The following DGKI variants were observed in gnomAD, a reference collection of about 807,000 sequenced individuals.
The protein encoded by DGKI is DAG kinase iota.
A neutral mutation model predicts 147.5 loss-of-function variants in DGKI; 55 were observed. The ratio of observed to expected loss-of-function variants is 0.37; its 90% CI spans 0.30 to 0.47. The LOEUF (loss-of-function observed/expected upper bound fraction) is 0.47. Among genes scored for constraint, DGKI ranks in the 20% least tolerant of loss-of-function variants. DGKI has a pLI of 1.00. For synonymous variants in DGKI, 469 were observed against 477.1 expected (o/e 0.98, Z 0.22); for missense variants, 1,007 against 1,323.8 (o/e 0.76, Z 3.71).
At chr7:137,476,723 A>G (rs1815184312) in intron 23 of DGKI, among the ~76,000 whole-genome samples, 1 of 152,112 alleles carries the variant, frequency 6.6e-6, no homozygotes, top group African/African-American at 2.4e-5. Flanking sequence ...AATCCACCCC[A>G]CTATTCTTCC....
At chr7:137,597,742 G>C (rs1819846433) in intron 12 of DGKI, 105 bp downstream of exon 12, 1 of 1,028,482 alleles carries the variant, frequency 9.7e-7, no homozygotes, top group South Asian at 1.4e-5. Flanking sequence ...ATATACATGT[G>C]TTAGGGGATT....
At chr7:137,812,282 G>A (rs1797614348) in intron 1 of DGKI, among the ~76,000 whole-genome samples, 1 of 152,180 alleles carries the variant, frequency 6.6e-6, no homozygotes. Context: ...TGGTTTTTAT[G>A]AGGAATAAAT....
intron 1 of DGKI, among the ~76,000 whole-genome samples, chr7:137,828,593 T>G (rs913405332): frequency 2.0e-5 from 3 of 152,234 alleles, no homozygotes; most frequent in African/African-American, 4.8e-5. Flanking sequence ...TCATGAATTA[T>G]CTCACTCCCT....
intron 1 of DGKI, chr7:137,722,354 G>A (rs185036807): frequency 5.2e-5 from 84 of 1,612,654 alleles, no homozygotes; most frequent in South Asian, 3.4e-4. Flanking sequence ...GATGTGCCTC[G>A]AAAGCTGTTG....
chr7:137,618,153 T>TATATA (rs1563114668), intron 8 of DGKI, among the ~76,000 whole-genome samples: 1 of 9,640 alleles, frequency 1.0e-4, no homozygotes, highest in Non-Finnish European at 3.8e-4. Flanking sequence ...ATATATATAT[T>TATATA]TTTTTTTTTT....
Position 137,574,449 on chromosome 7 carries a change from AAT to A in DGKI, c.1762-1613_1762-1612del, listed in dbSNP as rs908223337. On this transcript the variant is annotated intron_variant, in intron 17 of 32. Coordinates refer to ENST00000614521, the MANE Select transcript of DGKI (RefSeq NM_001321708.2). ...CTTAAAACCTAGGATGTGATATATT[AAT>A]AGTGTATAAAGCATTATGGTTGCAT... 2.6e-4 allele frequency among the ~76,000 whole-genome samples: 39 copies of A among 152,214 alleles called. 1 individual carries two copies. The highest frequency in any genetic ancestry group is 3.4e-4 in the Non-Finnish European group (23 of 68,038).
At chr7:137,747,351 C>G (rs1418979746) in intron 1 of DGKI, among the ~76,000 whole-genome samples, 5 of 152,136 alleles carry the variant, frequency 3.3e-5, no homozygotes, top group African/African-American at 9.7e-5. Flanking sequence ...GTCAAGGCAG[C>G]AAGAGCTAGT....
chr7:137,817,580 C>T (rs547761806), intron 1 of DGKI, among the ~76,000 whole-genome samples: 2 of 152,182 alleles, frequency 1.3e-5, no homozygotes, highest in Non-Finnish European at 2.9e-5. Flanking sequence ...CTCACCTTCC[C>T]CCAATACAGT....
At position 137,654,005 on chromosome 7, in the gene DGKI, C is replaced by T. The variant is rs571252259; in HGVS notation, c.738+727G>A. Among the ~76,000 whole-genome samples, 19 of 152,290 alleles carry T rather than the reference C, an allele frequency of 1.2e-4. No individual in the cohort carries two copies. In the South Asian group the frequency reaches 3.7e-3, roughly 30 times the overall value. On this transcript the variant is annotated intron_variant, in intron 5 of 32. Coordinates refer to ENST00000614521, the MANE Select transcript of DGKI (RefSeq NM_001321708.2). The stretch of plus-strand genomic sequence containing the variant: ...TAACACAGGAGGGTTCTTGCCTGAA[C>T]TGTGCTTGCTGTCTCTGCTAAATAA...
At chr7:137,615,629 C>T (rs1820506669) in intron 8 of DGKI, among the ~76,000 whole-genome samples, 1 of 151,210 alleles carries the variant, frequency 6.6e-6, no homozygotes, top group African/African-American at 2.4e-5. Flanking sequence ...TCCAAATTTT[C>T]CGTTAGTCAC....
At chr7:137,825,220 A>G (rs1798020381) in intron 1 of DGKI, among the ~76,000 whole-genome samples, 1 of 152,224 alleles carries the variant, frequency 6.6e-6, no homozygotes, top group South Asian at 2.1e-4. Flanking sequence ...ATATTTAACA[A>G]CGAAACCCAA....
chr7:137,481,996 T>C (rs1815388081), intron 23 of DGKI, among the ~76,000 whole-genome samples: 1 of 152,090 alleles, frequency 6.6e-6, no homozygotes, highest in Non-Finnish European at 1.5e-5. Context: ...CTTTTTCACC[T>C]ATAACACTCC....
intron 28 of DGKI, among the ~76,000 whole-genome samples, chr7:137,423,343 G>A (rs1360638294): frequency 6.6e-6 from 1 of 152,120 alleles, no homozygotes; most frequent in African/African-American, 2.4e-5. Context: ...CTGTGATCAG[G>A]GTCCCTGAAC....
chr7:137,648,949 T>C (rs570017443), intron 5 of DGKI, among the ~76,000 whole-genome samples: 2 of 152,324 alleles, frequency 1.3e-5, no homozygotes, highest in Non-Finnish European at 2.9e-5. Flanking sequence ...AACTAAGGCA[T>C]GGATTGATAA....
rs200540015 is a variant in DGKI at position 137,420,264 on chromosome 7, CCTG to C, written c.2762-8060_2762-8058del. Reference sequence around the variant, plus strand: ...GCCTTGGAAATCCCAAGGTATCATTCCTGCTGAAGTCCACGTTTGCGCATATAC... The same window carrying C: ...GCCTTGGAAATCCCAAGGTATCATTCCTGAAGTCCACGTTTGCGCATATAC... On this transcript the variant is annotated intron_variant, in intron 28 of 32. Coordinates refer to ENST00000614521, the MANE Select transcript of DGKI (RefSeq NM_001321708.2). Among the ~76,000 whole-genome samples the C allele has an allele frequency of 7.2e-3, 1,093 of 152,314 alleles. 9 individuals are homozygous for C. Among genetic ancestry groups the C allele is most frequent in the Middle Eastern group, 0.065 (19 of 294 alleles).
chr7:137,383,184 T>C lies in DGKI; in HGVS notation c.*8036A>G, dbSNP rs1205155466. On this transcript the variant is annotated 3_prime_UTR_variant, in exon 33 of 33. Coordinates refer to ENST00000614521, the MANE Select transcript of DGKI (RefSeq NM_001321708.2). ...TGACCTTTTTGCTTTAGTAGAAACA[T>C]ATCTTTTTTAGGAGATTTGGGAATT... 1.3e-5 allele frequency: 2 copies of C among 151,818 alleles called. No individual in the cohort carries two copies. Among genetic ancestry groups the C allele is most frequent in the Non-Finnish European group, 2.9e-5 (2 of 67,876 alleles). 9.4% of individuals were successfully genotyped at this position (151,818 alleles called of 1,614,324 possible). A position where few individuals can be genotyped will look rare whatever the true frequency, so the allele number is the denominator to read the frequency against.
intron 6 of DGKI, among the ~76,000 whole-genome samples, chr7:137,637,493 T>A (rs1283499582): frequency 6.6e-6 from 1 of 152,206 alleles, no homozygotes; most frequent in Non-Finnish European, 1.5e-5. Context: ...TAAAGAAGAA[T>A]TACACCTGTT....
chr7:137,429,680 C>T (rs1486242446), intron 28 of DGKI, among the ~76,000 whole-genome samples: 4 of 150,518 alleles, frequency 2.7e-5, no homozygotes, highest in Non-Finnish European at 5.9e-5. Context: ...TATCCAGAAT[C>T]TACAATGAAC....
Position 137,770,785 on chromosome 7 carries a change from G to A in DGKI, c.401+75677C>T, listed in dbSNP as rs1347859969. Among the ~76,000 whole-genome samples, 3 of 48,958 alleles carry A rather than the reference G, an allele frequency of 6.1e-5. 1 individual carries two copies. Among genetic ancestry groups the A allele is most frequent in the Non-Finnish European group, 1.0e-4 (3 of 29,180 alleles). 32.1% of individuals were successfully genotyped at this position (48,958 alleles called of 152,430 possible). On this transcript the variant is annotated intron_variant, in intron 1 of 32. Coordinates refer to ENST00000614521, the MANE Select transcript of DGKI (RefSeq NM_001321708.2). ...CCTGACCTCGTGATCCGCCCGCCTC[G>A]GCCTCCCAAAGTGCTGGGATTACAG...
Sources: allele counts gnomAD v4.1 joint callset (sites outside exome capture counted in the v4.1 genomes callset), GRCh38; gene constraint gnomAD v4.1.1; transcripts MANE v1.5; gene names NCBI Gene and HGNC (gene_info 2026-07-23, HGNC 2026-07-21).